Variants in RIMS2 observed in about 807,000 individuals in gnomAD.
The protein encoded by RIMS2 is regulating synaptic membrane exocytosis 2, also known as regulating synaptic membrane exocytosis protein 2.
Under a neutral mutation model 174.4 loss-of-function variants are expected in RIMS2, and 59 were observed. The ratio of observed to expected loss-of-function variants is 0.34; its 90% confidence interval spans 0.27 to 0.42. RIMS2 has a LOEUF of 0.42. Among genes scored for constraint, RIMS2 ranks in the 10% least tolerant of loss-of-function variants. The pLI is 1.00. For synonymous variants in RIMS2, 606 were observed against 572.5 expected, an observed-to-expected ratio of 1.06 and a Z score of -0.84; for missense variants, 1,620 against 1,666.3, an observed-to-expected ratio of 0.97 and a Z score of 0.48.
At chr8:103,932,176 C>A (rs1183542717) in intron 12 of RIMS2, among the ~76,000 whole-genome samples, 3 of 152,164 alleles carry the variant, frequency 2.0e-5, no homozygotes, top group Non-Finnish European at 4.4e-5. Flanking sequence ...GCAGAGTGCT[C>A]TCAAGATCTC....
At chr8:104,094,730 G>C (rs2097726333) in intron 19 of RIMS2, 1 of 666,950 alleles carries the variant, frequency 1.5e-6, no homozygotes, top group Non-Finnish European at 2.7e-6. Flanking sequence ...ATGATACCAG[G>C]TAAAATATGT....
intron 19 of RIMS2, chr8:104,148,616 A>T (rs2133976314): frequency 6.3e-7 from 1 of 1,597,744 alleles, no homozygotes; most frequent in East Asian, 2.2e-5. Flanking sequence ...GTGTCTTTAC[A>T]TCCAAAATGC....
chr8:104,216,510 T>C (rs1412342390), intron 19 of RIMS2, among the ~76,000 whole-genome samples: 1 of 152,236 alleles, frequency 6.6e-6, no homozygotes, highest in Non-Finnish European at 1.5e-5. Flanking sequence ...GACAAATTTA[T>C]TTGTAACACT....
intron 3 of RIMS2, among the ~76,000 whole-genome samples, chr8:103,783,386 C>A (rs1264744342): frequency 6.6e-6 from 1 of 150,668 alleles, no homozygotes; most frequent in African/African-American, 2.4e-5. Context: ...CGTCATCTAG[C>A]ATTAGGTATA....
intron 17 of RIMS2, among the ~76,000 whole-genome samples, chr8:104,008,959 A>G (rs530132784): frequency 1.3e-5 from 2 of 152,120 alleles, no homozygotes; most frequent in Non-Finnish European, 2.9e-5. Context: ...CTATTTGCTT[A>G]TTTACCATGA....
At chr8:103,524,311 G>C (rs1409787464) in intron 1 of RIMS2, among the ~76,000 whole-genome samples, 1 of 151,718 alleles carries the variant, frequency 6.6e-6, no homozygotes, top group Non-Finnish European at 1.5e-5. Flanking sequence ...AAAATGACAG[G>C]GTTTCTCTTT....
intron 2 of RIMS2, among the ~76,000 whole-genome samples, chr8:103,744,565 A>T (rs1447358905): frequency 1.3e-5 from 2 of 152,318 alleles, no homozygotes; most frequent in African/African-American, 4.8e-5. Context: ...AACTGTAACA[A>T]TTGTTATATG....
intron 13 of RIMS2, among the ~76,000 whole-genome samples, chr8:103,941,217 C>T (rs1457547738): frequency 6.6e-6 from 1 of 152,108 alleles, no homozygotes; most frequent in East Asian, 1.9e-4. Context: ...CATGGTGGCT[C>T]ACACTTGTAA....
chr8:103,928,779 A>G (rs1381745746), intron 11 of RIMS2, among the ~76,000 whole-genome samples: 2 of 151,440 alleles, frequency 1.3e-5, no homozygotes, highest in African/African-American at 4.8e-5. Flanking sequence ...ATATTTTAAA[A>G]CAATTTAAAT....
At chr8:103,559,729 A>G (rs2131924889) in intron 1 of RIMS2, among the ~76,000 whole-genome samples, 1 of 152,318 alleles carries the variant, frequency 6.6e-6, no homozygotes, top group Non-Finnish European at 1.5e-5. Context: ...AAACCATGAA[A>G]TGTCTGAGAT....
At chr8:103,811,155 A>T (rs2098685124) in intron 3 of RIMS2, among the ~76,000 whole-genome samples, 6 of 152,296 alleles carry the variant, frequency 3.9e-5, no homozygotes, top group Admixed American at 3.9e-4. Context: ...GTTGAAGCTT[A>T]TTCATGTTGA....
chr8:103,688,212 TATG>T (rs954328322), intron 1 of RIMS2, among the ~76,000 whole-genome samples: 84 of 152,222 alleles, frequency 5.5e-4, no homozygotes, highest in Non-Finnish European at 6.2e-4. Flanking sequence ...CACCGTTGAG[TATG>T]ATGTTAGCTG....
chr8:103,969,210 C>G (rs933367176), intron 15 of RIMS2, among the ~76,000 whole-genome samples: 1 of 152,020 alleles, frequency 6.6e-6, no homozygotes, highest in African/African-American at 2.4e-5. Flanking sequence ...CTCCCTAGAT[C>G]TGTGGTCTGT....
chr8:103,718,942 GC>G (rs2097409405), intron 2 of RIMS2, among the ~76,000 whole-genome samples: 1 of 152,120 alleles, frequency 6.6e-6, no homozygotes, highest in Non-Finnish European at 1.5e-5. Context: ...GAGCCACTGT[GC>G]CCCTCCTCCA....
intron 3 of RIMS2, among the ~76,000 whole-genome samples, chr8:103,813,574 C>G (rs571393277): frequency 4.6e-5 from 7 of 152,066 alleles, no homozygotes; most frequent in African/African-American, 9.7e-5. Flanking sequence ...ACGACAGGCC[C>G]CAGTGTGTGA....
chr8:103,935,245 T>TA (rs2080983852), intron 12 of RIMS2, among the ~76,000 whole-genome samples: 1 of 152,212 alleles, frequency 6.6e-6, no homozygotes. Flanking sequence ...TGTATAGAGA[T>TA]AAAATCTCCT....
intron 1 of RIMS2, among the ~76,000 whole-genome samples, chr8:103,639,033 G>A (rs1355311310): frequency 2.6e-5 from 4 of 151,926 alleles, no homozygotes; most frequent in Admixed American, 2.6e-4. Flanking sequence ...TTTGTATTCT[G>A]TGGCAGTTAC....
chr8:103,629,916 G>A (rs1304458676), intron 1 of RIMS2, among the ~76,000 whole-genome samples: 1 of 152,022 alleles, frequency 6.6e-6, no homozygotes, highest in Non-Finnish European at 1.5e-5. Flanking sequence ...TACAAAGGAA[G>A]GCAGGGAGAG....
intron 12 of RIMS2, among the ~76,000 whole-genome samples, chr8:103,931,819 G>T (rs2080011874): frequency 6.6e-6 from 1 of 151,856 alleles, no homozygotes; most frequent in African/African-American, 2.4e-5. Flanking sequence ...CTCTTACCAA[G>T]ATATTATTTC....
Sources: allele counts gnomAD v4.1 joint callset (sites outside exome capture counted in the v4.1 genomes callset), GRCh38; gene constraint gnomAD v4.1.1; transcripts MANE v1.5; gene names NCBI Gene and HGNC (gene_info 2026-07-23, HGNC 2026-07-21).